Variants in CRMP1 observed in about 807,000 individuals in gnomAD.
CRMP1 encodes dihydropyrimidinase-related protein 1.
Under a neutral mutation model 68.3 loss-of-function variants are expected in CRMP1, and 19 were observed. That is an observed-to-expected ratio of 0.28 (90% CI 0.19 to 0.41). The LOEUF (loss-of-function observed/expected upper bound fraction) is 0.41, where lower values mean the gene tolerates loss of function less well. CRMP1 is among the 10% of genes least tolerant of loss of function. CRMP1 has a pLI of 1.00. For missense variants in CRMP1, 791 were observed against 967.4 expected (o/e 0.82, Z 2.42); for synonymous variants, 439 against 399.6 (o/e 1.10, Z -1.18).
In CRMP1 at chr4:5,841,474, C is replaced by A. The variant is rs752713686; in HGVS notation, c.1033-46G>T. 1.2e-6 allele frequency: 2 copies of A among 1,606,936 alleles called. No homozygotes were observed. The highest frequency in any genetic ancestry group is 1.1e-5 in the South Asian group (1 of 90,438). ...GTCACAGGAGGGAAGGCTGGTGTAA[C>A]AGCTACCACCCATCTCCATTTTCCT... On this transcript the variant is annotated intron_variant, in intron 7 of 13. Transcript: ENST00000324989. This position sits in a 1 kb window ranked among gnomAD's most constrained non-coding sequence, Gnocchi z 6.9.
chr4:5,888,344 C>T lies in CRMP1; in HGVS notation c.381+4245G>A. On this transcript the variant is annotated intron_variant, in intron 1 of 13. Coordinates refer to ENST00000324989, the MANE Select transcript of CRMP1 (RefSeq NM_001014809.3). This position sits in a 1 kb window ranked among gnomAD's most constrained non-coding sequence, Gnocchi z 6.4. ...GGAACCGGCGCTCTCGGCCCCGCTC[C>T]CAGCGGGCGCGCTGACAAAGGCCCG... 8.1e-7 allele frequency: 1 copy of T among 1,234,042 alleles called. No individual in the cohort carries two copies. The highest frequency in any genetic ancestry group is 1.0e-6 in the Non-Finnish European group (1 of 984,846). 76.4% of individuals were successfully genotyped at this position (1,234,042 alleles called of 1,614,324 possible).
At position 5,892,675 on chromosome 4, in the gene CRMP1, G is replaced by A. The variant is rs754094899; in HGVS notation, c.295C>T (p.Pro99Ser). 5.8e-6 allele frequency: 7 copies of A among 1,216,266 alleles called. No individual in the cohort carries two copies. Among genetic ancestry groups the A allele is most frequent in the African/African-American group, 1.6e-5 (1 of 62,764 alleles). The allele number at this position is 1,216,266 out of a possible 1,614,324, so 75.3% of individuals were successfully genotyped here. ...SEPSGSAVSS[P>S]GERDERPPTL... ...GGCGGCCGCTCGTCGCGCTCTCCGG[G>A]AGAGCTGACCGCGGAGCCCGAGGGC... Residue 99 changes from proline to serine, a missense_variant, in exon 1 of 14, where the codon CCC (proline) becomes TCC (serine). Around this residue, in one of 3 missense-constraint regions of CRMP1, gnomAD observed 193 missense variants for 186.3 expected, o/e 1.04. Transcript: ENST00000324989. The surrounding 1 kb of genome is among the most constrained non-coding windows in gnomAD (Gnocchi z 8.6).
chr4:5,862,917 C>T (rs977219059), intron 2 of CRMP1, among the ~76,000 whole-genome samples: 22 of 152,094 alleles, frequency 1.4e-4, no homozygotes, highest in Non-Finnish European at 2.8e-4. Context: ...GCGATCCTCC[C>T]GCCTCAGCCT....
chr4:5,870,809 G>A lies in CRMP1; in HGVS notation c.382-4053C>T, dbSNP rs1464086063. On this transcript the variant is annotated intron_variant, in intron 1 of 13. Transcript: ENST00000324989. This position sits in a 1 kb window ranked among gnomAD's most constrained non-coding sequence, Gnocchi z 6.0. Reference sequence around the variant, plus strand: ...TCACCAAGCCTCTTGACGGCAATCCGGGACCAATGGGAAAAAGAGGCCCAG... The same window carrying A: ...TCACCAAGCCTCTTGACGGCAATCCAGGACCAATGGGAAAAAGAGGCCCAG... Among the ~76,000 whole-genome samples, 1 of 152,140 alleles carries A rather than the reference G, an allele frequency of 6.6e-6. No homozygotes were observed. Among genetic ancestry groups the A allele is most frequent in the African/African-American group, 2.4e-5 (1 of 41,432 alleles).
rs192773332 is a variant in CRMP1, at chr4:5,842,941, G to C, written c.1032+152C>G. ...TGTCTTCTCCAGCCAGCAGTCCCCA[G>C]GGTTCCCGGGGAAAACAAGATGGTT... On this transcript the variant is annotated intron_variant, in intron 7 of 13. Transcript: ENST00000324989. The surrounding 1 kb of genome is among the most constrained non-coding windows in gnomAD (Gnocchi z 4.5). The C allele has an allele frequency of 2.7e-6, 2 of 737,174 alleles. No individual in the cohort carries two copies. The highest frequency in any genetic ancestry group is 3.5e-5 in the African/African-American group (2 of 57,134). The allele number at this position is 737,174 out of a possible 1,614,324, so 45.7% of individuals were successfully genotyped here. A position where few individuals can be genotyped will look rare whatever the true frequency, so the allele number is the denominator to read the frequency against.
chr4:5,831,026 A>C (rs1720346582), intron 11 of CRMP1, among the ~76,000 whole-genome samples: 1 of 152,136 alleles, frequency 6.6e-6, no homozygotes, highest in African/African-American at 2.4e-5. Flanking sequence ...ATGGCTCACT[A>C]TAGCCTCCAA....
rs1184127237 is a variant in CRMP1, at chr4:5,836,837, G to C, written c.1380C>G (p.Asp460Glu). ...YSTAQKAVGK[D>E]NFTLIPEGVN... ...CACCCTCGGGGATCAGGGTAAAGTT[G>C]TCCTTGCCCACCGCCTTCTGGGCAG... is the stretch of plus-strand genomic sequence containing the variant. Residue 460 changes from aspartate to glutamate, a missense_variant, in exon 10 of 14, where the codon GAC (aspartate) becomes GAG (glutamate). Physicochemically the swap from Asp to Glu is conservative, Grantham distance 45. Transcript: ENST00000324989. The C allele has an allele frequency of 4.3e-6, 7 of 1,614,074 alleles. No homozygotes were observed. The highest frequency in any genetic ancestry group is 5.9e-6 in the Non-Finnish European group (7 of 1,180,046).
At chr4:5,836,505 C>T (rs2240495) in intron 10 of CRMP1, among the ~76,000 whole-genome samples, 25,003 of 152,188 alleles carry the variant, frequency 0.16, 2,835 homozygotes, top group East Asian at 0.36. Context: ...GGAACTAAGA[C>T]GTGGTTGAGA....
At chr4:5,871,140 A>G (rs1714408469) in intron 1 of CRMP1, among the ~76,000 whole-genome samples, 1 of 152,204 alleles carries the variant, frequency 6.6e-6, no homozygotes, top group East Asian at 1.9e-4. Context: ...AGGGGCGCCC[A>G]GGCTCCAAGC....
In CRMP1 at chr4:5,834,486, C is replaced by A. The variant is rs935374287; in HGVS notation, c.1623+1429G>T. ...GCCATGGGATAACTCAGCAAGAAGG[C>A]CTTTGCCAGATGCCGGCATTTTAAT... On this transcript the variant is annotated intron_variant, in intron 11 of 13. Transcript: ENST00000324989. This position sits in a 1 kb window ranked among gnomAD's most constrained non-coding sequence, Gnocchi z 4.3. Among the ~76,000 whole-genome samples, 1 of 152,188 alleles carries A rather than the reference C, an allele frequency of 6.6e-6. No homozygotes were observed. Among genetic ancestry groups the A allele is most frequent in the Admixed American group, 6.5e-5 (1 of 15,284 alleles).
chr4:5,882,340 T>C (rs1332967704), intron 1 of CRMP1, among the ~76,000 whole-genome samples: 7 of 152,200 alleles, frequency 4.6e-5, no homozygotes, highest in Non-Finnish European at 1.0e-4. Context: ...GCAGACTCAC[T>C]ACCCACCAGT....
At chr4:5,831,403 G>C (rs1182215591) in intron 11 of CRMP1, among the ~76,000 whole-genome samples, 1 of 152,128 alleles carries the variant, frequency 6.6e-6, no homozygotes, top group African/African-American at 2.4e-5. Flanking sequence ...GGGGTTCCAG[G>C]CAATCACGTC....
chr4:5,888,152 G>A lies in CRMP1; in HGVS notation c.381+4437C>T, dbSNP rs556462164. The A allele has an allele frequency of 1.6e-6, 2 of 1,227,202 alleles. No individual in the cohort carries two copies. The highest frequency in any genetic ancestry group is 8.2e-5 in the South Asian group (2 of 24,458). 76.0% of individuals were successfully genotyped at this position (1,227,202 alleles called of 1,614,324 possible). A position where few individuals can be genotyped will look rare whatever the true frequency, so the allele number is the denominator to read the frequency against. On this transcript the variant is annotated intron_variant, in intron 1 of 13. Transcript: ENST00000324989. This position sits in a 1 kb window ranked among gnomAD's most constrained non-coding sequence, Gnocchi z 6.4. ...GGGGGCGCCCCTGCCGGCGCCCCGT[G>A]GATCTGGACCCTGCCGGGCGCCCAC... is the stretch of plus-strand genomic sequence containing the variant.
In CRMP1 at chr4:5,890,819, G is replaced by T. The variant is rs955356677; in HGVS notation, c.381+1770C>A. ...GTTGGTGACATTGACCGCAGTTCCA[G>T]AGGAACTCTCCTTGGGACAGCTACG... is the stretch of plus-strand genomic sequence containing the variant. On this transcript the variant is annotated intron_variant, in intron 1 of 13. Transcript: ENST00000324989. This position sits in a 1 kb window ranked among gnomAD's most constrained non-coding sequence, Gnocchi z 5.5. Among the ~76,000 whole-genome samples the T allele has an allele frequency of 7.9e-5, 12 of 152,154 alleles. No individual in the cohort carries two copies. The highest frequency in any genetic ancestry group is 2.7e-4 in the African/African-American group (11 of 41,448).
At chr4:5,832,582 C>G (rs1007658829) in intron 11 of CRMP1, among the ~76,000 whole-genome samples, 7 of 152,258 alleles carry the variant, frequency 4.6e-5, no homozygotes, top group Non-Finnish European at 8.8e-5. Flanking sequence ...AATCCATGTT[C>G]TGAAAAAATT....
In CRMP1 at chr4:5,825,535, G is replaced by A; in HGVS notation, c.1928C>T (p.Pro643Leu). 2 of 1,589,262 alleles carry A rather than the reference G, an allele frequency of 1.3e-6. No individual in the cohort carries two copies. The highest frequency in any genetic ancestry group is 8.5e-7 in the Non-Finnish European group (1 of 1,171,650). ...GGACTGGTGGAGGTTTCTGATGGGT[G>A]GGGGCTGGTGTTTAGAAGGCGAAGA... ...AKSSPSKHQPPPIRNLHQSNF... is the reference protein window; with the variant it reads ...AKSSPSKHQPLPIRNLHQSNF... The change falls in exon 13 of 14, where the codon CCA (proline) becomes CTA (leucine). Residue 643 changes from proline (P) to leucine (L), a missense_variant. Around this residue, in one of 3 missense-constraint regions of CRMP1, gnomAD observed 594 missense variants for 763.6 expected, o/e 0.78. Coordinates refer to ENST00000324989, the MANE Select transcript of CRMP1 (RefSeq NM_001014809.3). The surrounding 1 kb of genome is among the most constrained non-coding windows in gnomAD (Gnocchi z 4.4).
chr4:5,888,283 C>T lies in CRMP1; in HGVS notation c.381+4306G>A. Reference sequence around the variant, plus strand: ...GTACGACATGGCCCCCTCTGGCGCCCTCGGCCCGGCCGCTGACCTGCGGGG... The same window carrying T: ...GTACGACATGGCCCCCTCTGGCGCCTTCGGCCCGGCCGCTGACCTGCGGGG... On this transcript the variant is annotated intron_variant, in intron 1 of 13. Transcript: ENST00000324989. This position sits in a 1 kb window ranked among gnomAD's most constrained non-coding sequence, Gnocchi z 6.4. The T allele has an allele frequency of 7.9e-7, 1 of 1,269,536 alleles. No homozygotes were observed. The allele number at this position is 1,269,536 out of a possible 1,614,324, so 78.6% of individuals were successfully genotyped here.
intron 13 of CRMP1, chr4:5,824,814 A>C: frequency 1.0e-6 from 1 of 985,420 alleles, no homozygotes; most frequent in Non-Finnish European, 1.2e-6. Flanking sequence ...ACAAAATTCC[A>C]GTTCAACTTT....
In CRMP1 at chr4:5,883,455, C is replaced by G. The variant is rs1480319955; in HGVS notation, c.381+9134G>C. 6.6e-6 allele frequency among the ~76,000 whole-genome samples: 1 copy of G among 152,122 alleles called. No individual in the cohort carries two copies. The highest frequency in any genetic ancestry group is 2.4e-5 in the African/African-American group (1 of 41,444). On this transcript the variant is annotated intron_variant, in intron 1 of 13. Coordinates refer to ENST00000324989, the MANE Select transcript of CRMP1 (RefSeq NM_001014809.3). This position sits in a 1 kb window ranked among gnomAD's most constrained non-coding sequence, Gnocchi z 4.5. Reference sequence around the variant, plus strand: ...AGCTGGGATTACAGGTGCCCGCCACCATGCCTGGCTAATTTTTGTATTTTT... The same window carrying G: ...AGCTGGGATTACAGGTGCCCGCCACGATGCCTGGCTAATTTTTGTATTTTT...
Sources: gnomAD v4.1 joint callset for allele counts (sites outside exome capture counted in the v4.1 genomes callset) on GRCh38, gnomAD v4.1.1 for gene constraint, gnomAD v4.1.1 regional missense constraint, Gnocchi (gnomAD v3.1) non-coding constraint, MANE v1.5 for transcripts, NCBI Gene and HGNC (gene_info 2026-07-23, HGNC 2026-07-21) for gene names.